TUT7: variants seen among roughly 807,000 people sequenced by gnomAD.
TUT7 encodes terminal uridylyltransferase 7.
A neutral mutation model predicts 165.9 loss-of-function variants in TUT7; 33 were observed. That is an observed-to-expected ratio of 0.20 (90% CI 0.15 to 0.27). The LOEUF (loss-of-function observed/expected upper bound fraction) is 0.27. Among genes scored for constraint, TUT7 ranks in the 10% least tolerant of loss-of-function variants. The probability of loss-of-function intolerance (pLI) is 1.00; values close to 1 mark genes in which losing one functional copy is unlikely to be tolerated. For synonymous variants in TUT7, 552 were observed against 608.1 expected (o/e 0.91, Z 1.36); for missense variants, 1,338 against 1,762.3 (o/e 0.76, Z 4.31).
chr9:86,308,531 TGTAGAAACGAAGAA>T lies in TUT7; in HGVS notation c.3722_3735del (p.Leu1241HisfsTer5). ...TGTTCTTTAAAATCAAATTCCTCTGTGTAGAAACGAAGAAGGCCCAACCATAACTGCCCAACAGA... is the reference window on the plus strand; with the variant it reads ...TGTTCTTTAAAATCAAATTCCTCTGTGGCCCAACCATAACTGCCCAACAGA... On this transcript the variant is annotated frameshift_variant, in exon 22 of 27. Transcript: ENST00000375963. LOFTEE classifies it high-confidence loss of function. 1 of 1,614,158 alleles carries T rather than the reference TGTAGAAACGAAGAA, an allele frequency of 6.2e-7. No homozygotes were observed. Among genetic ancestry groups the T allele is most frequent in the Non-Finnish European group, 8.5e-7 (1 of 1,180,002 alleles).
chr9:86,307,881 C>G (rs1827655376), intron 22 of TUT7, among the ~76,000 whole-genome samples: 1 of 152,092 alleles, frequency 6.6e-6, no homozygotes, highest in Non-Finnish European at 1.5e-5. Context: ...GTAATCCCAG[C>G]TACTCAGGTG....
At chr9:86,290,866 GA>G (rs564533855) in intron 26 of TUT7, among the ~76,000 whole-genome samples, 5 of 147,454 alleles carry the variant, frequency 3.4e-5, no homozygotes, top group African/African-American at 9.9e-5. Flanking sequence ...TCTCAAAAAA[GA>G]AAAAAAAAGA....
intron 9 of TUT7, among the ~76,000 whole-genome samples, chr9:86,338,296 G>C (rs1831010863): frequency 1.4e-5 from 2 of 146,428 alleles, no homozygotes; most frequent in South Asian, 4.3e-4. Context: ...ACTGCAACCT[G>C]TACCTCCCAG....
At chr9:86,308,059 A>G (rs150652362) in intron 22 of TUT7, among the ~76,000 whole-genome samples, 77 of 152,328 alleles carry the variant, frequency 5.1e-4, no homozygotes, top group Admixed American at 9.1e-4. Context: ...AAATTTATAT[A>G]CAATTACTTA....
intron 23 of TUT7, 30 bp from the exon 24 acceptor site, chr9:86,304,977 C>T (rs766815432): frequency 2.0e-5 from 30 of 1,497,764 alleles, no homozygotes; most frequent in Middle Eastern, 1.7e-4. Flanking sequence ...CTCACTTAGG[C>T]GGGTTAAAAG....
intron 16 of TUT7, 146 bp downstream of exon 16, chr9:86,318,812 T>C (rs1210560709): frequency 3.8e-6 from 2 of 527,448 alleles, no homozygotes; most frequent in Admixed American, 7.3e-5. Context: ...CCAAGCCTCT[T>C]AATGTATTTG....
At chr9:86,330,494 A>G (rs906316712) in intron 10 of TUT7, among the ~76,000 whole-genome samples, 2 of 152,126 alleles carry the variant, frequency 1.3e-5, no homozygotes, top group African/African-American at 4.8e-5. Context: ...CGTAGTGACT[A>G]TTTCTTGGTT....
chr9:86,310,176 C>T (rs1228791016), intron 18 of TUT7, among the ~76,000 whole-genome samples, 159 bp from the exon 19 acceptor site: 2 of 151,756 alleles, frequency 1.3e-5, no homozygotes, highest in Non-Finnish European at 2.9e-5. Flanking sequence ...CCATCAGCCT[C>T]CCAAAGTGCT....
chr9:86,351,892 T>C (rs542489637), intron 2 of TUT7, among the ~76,000 whole-genome samples: 2 of 152,368 alleles, frequency 1.3e-5, no homozygotes, highest in East Asian at 3.9e-4. Flanking sequence ...TTATTTCATT[T>C]CGGTATATAT....
intron 26 of TUT7, among the ~76,000 whole-genome samples, chr9:86,289,536 T>C (rs1201975820): frequency 1.4e-5 from 2 of 143,926 alleles, no homozygotes; most frequent in Non-Finnish European, 3.0e-5. Context: ...TAAATGTAAC[T>C]ATAAGAAAGT....
At chr9:86,307,227 T>C (rs1219835786) in intron 22 of TUT7, among the ~76,000 whole-genome samples, 1 of 151,770 alleles carries the variant, frequency 6.6e-6, no homozygotes, top group Non-Finnish European at 1.5e-5. Flanking sequence ...TGAGCCAAGA[T>C]TGCGCCATTG....
intron 2 of TUT7, among the ~76,000 whole-genome samples, chr9:86,351,328 T>C (rs746841277): frequency 5.9e-5 from 9 of 152,018 alleles, no homozygotes; most frequent in Non-Finnish European, 1.2e-4. Context: ...CCCAGCTACT[T>C]TGGGGGATGA....
At chr9:86,343,039 C>T in intron 6 of TUT7, 36 bp downstream of exon 6, 1 of 1,295,126 alleles carries the variant, frequency 7.7e-7, no homozygotes, top group South Asian at 1.3e-5. Context: ...ATTTCCATAC[C>T]ACTCTGAAAG....
intron 22 of TUT7, among the ~76,000 whole-genome samples, chr9:86,307,969 G>A (rs762705840): frequency 2.0e-5 from 3 of 152,068 alleles, no homozygotes; most frequent in East Asian, 1.9e-4. Flanking sequence ...ACTCCAGCCT[G>A]GGCAACAAGA....
intron 26 of TUT7, among the ~76,000 whole-genome samples, chr9:86,294,586 T>A (rs1587842242): frequency 6.6e-6 from 1 of 150,392 alleles, no homozygotes. Flanking sequence ...TTATCAACTA[T>A]AAAAAAAAAT....
At chr9:86,331,354 T>C (rs1382409059) in intron 10 of TUT7, among the ~76,000 whole-genome samples, 22 of 152,220 alleles carry the variant, frequency 1.4e-4, no homozygotes, top group Admixed American at 1.4e-3. Flanking sequence ...GTTTTATAAA[T>C]ATTAATTAGG....
intron 26 of TUT7, among the ~76,000 whole-genome samples, chr9:86,298,539 T>G (rs954687467): frequency 6.6e-6 from 1 of 152,198 alleles, no homozygotes; most frequent in Non-Finnish European, 1.5e-5. Flanking sequence ...GGTATAAACA[T>G]CACTTGGAAT....
intron 12 of TUT7, chr9:86,324,336 C>T (rs1829595210): frequency 6.2e-6 from 1 of 160,092 alleles, no homozygotes; most frequent in Admixed American, 6.2e-5. Context: ...CCCACTCAGC[C>T]AGGCCCTGTG....
chr9:86,343,512 C>T (rs1831492500), intron 5 of TUT7, among the ~76,000 whole-genome samples: 2 of 151,790 alleles, frequency 1.3e-5, no homozygotes, highest in South Asian at 4.2e-4. Flanking sequence ...TTAAATGTGC[C>T]AGTTGAAAAA....
Sources: allele counts gnomAD v4.1 joint callset (sites outside exome capture counted in the v4.1 genomes callset), GRCh38; gene constraint gnomAD v4.1.1; transcripts MANE v1.5; gene names NCBI Gene and HGNC (gene_info 2026-07-23, HGNC 2026-07-21).